Variants in TRHDE observed in about 807,000 individuals in gnomAD.
The protein encoded by TRHDE is thyrotropin releasing hormone degrading enzyme.
A neutral mutation model predicts 125.7 loss-of-function variants in TRHDE; 72 were observed. That is an observed-to-expected ratio of 0.57 (90% CI 0.47 to 0.70). The LOEUF (loss-of-function observed/expected upper bound fraction) is 0.70. Ranked by LOEUF, TRHDE falls within the 30% of genes least tolerant of loss-of-function variation. The pLI is 0.00. For missense variants in TRHDE, 1,110 were observed against 1,327.1 expected, an observed-to-expected ratio of 0.84 and a Z score of 2.54; for synonymous variants, 509 against 509.1, an observed-to-expected ratio of 1.00 and a Z score of 0.00.
chr12:72,642,112 C>G (rs980075511), intron 15 of TRHDE, among the ~76,000 whole-genome samples: 4 of 152,172 alleles, frequency 2.6e-5, no homozygotes, highest in Non-Finnish European at 5.9e-5. Context: ...TGCTGTTACC[C>G]TAGTCTCAGA....
chr12:72,639,761 G>A (rs1429579065), intron 15 of TRHDE, among the ~76,000 whole-genome samples: 7 of 151,536 alleles, frequency 4.6e-5, no homozygotes, highest in Non-Finnish European at 1.0e-4. Context: ...GTACCCGGCC[G>A]TGTGAGGTGT....
At chr12:72,098,636 T>G (rs776771342) in intron 1 of TRHDE, among the ~76,000 whole-genome samples, 8 of 152,176 alleles carry the variant, frequency 5.3e-5, no homozygotes, top group Admixed American at 1.3e-4. Context: ...CCAGATACAT[T>G]TTACCTCCTC....
intron 5 of TRHDE, among the ~76,000 whole-genome samples, chr12:72,482,675 G>C: frequency 6.6e-6 from 1 of 151,868 alleles, no homozygotes; most frequent in African/African-American, 2.4e-5. Context: ...TGGTAGTATG[G>C]TGGAATATTT....
chr12:72,642,501 A>ATGTC (rs1162196533), intron 15 of TRHDE, among the ~76,000 whole-genome samples: 2 of 152,156 alleles, frequency 1.3e-5, no homozygotes, highest in Non-Finnish European at 2.9e-5. Context: ...AATTTCTGTA[A>ATGTC]TGTCAGTATC....
At chr12:72,344,214 G>A (rs1446046570) in intron 2 of TRHDE, among the ~76,000 whole-genome samples, 1 of 152,004 alleles carries the variant, frequency 6.6e-6, no homozygotes, top group East Asian at 1.9e-4. Context: ...AACTTGTAAA[G>A]CCTCAGTTTC....
intron 5 of TRHDE, among the ~76,000 whole-genome samples, chr12:72,484,835 G>T (rs1022843994): frequency 1.3e-5 from 2 of 152,096 alleles, no homozygotes; most frequent in South Asian, 2.1e-4. Flanking sequence ...CACAAGAAAA[G>T]TCCCCAGACA....
In TRHDE at chr12:72,272,899, G is replaced by C; in HGVS notation, c.256G>C (p.Val86Leu). 1 of 1,578,774 alleles carries C rather than the reference G, an allele frequency of 6.3e-7. No individual in the cohort carries two copies. Among genetic ancestry groups the C allele is most frequent in the South Asian group, 1.1e-5 (1 of 87,820 alleles). ...ERHIAVHKRL[V>L]LAFAVSLVAL... is the part of the protein sequence containing the mutation. Reference sequence around the variant, plus strand: ...CCACATCGCCGTACACAAGCGGCTTGTGCTGGCCTTCGCTGTGTCCCTCGT... The same window carrying C: ...CCACATCGCCGTACACAAGCGGCTTCTGCTGGCCTTCGCTGTGTCCCTCGT... Residue 86 changes from valine (V) to leucine (L), a missense_variant, in exon 1 of 19, where the codon GTG becomes CTG. Val to Leu is a conservative substitution (Grantham distance 32). Around this residue, in one of 5 missense-constraint regions of TRHDE, gnomAD observed 248 missense variants for 240.8 expected, o/e 1.03. Transcript: ENST00000261180. This position sits in a 1 kb window ranked among gnomAD's most constrained non-coding sequence, Gnocchi z 6.7.
At chr12:72,242,689 A>G (rs898480390) in intron 2 of TRHDE, among the ~76,000 whole-genome samples, 4 of 152,152 alleles carry the variant, frequency 2.6e-5, no homozygotes, top group African/African-American at 7.2e-5. Context: ...TGGAGGGCAA[A>G]AAAGATAACT....
chr12:72,572,423 T>C (rs1870789255), intron 10 of TRHDE, among the ~76,000 whole-genome samples: 1 of 152,178 alleles, frequency 6.6e-6, no homozygotes, highest in Non-Finnish European at 1.5e-5. Context: ...ATAACTTCCA[T>C]ACATTTTATT....
chr12:72,445,335 A>G (rs1341187800), intron 3 of TRHDE, among the ~76,000 whole-genome samples: 1 of 151,846 alleles, frequency 6.6e-6, no homozygotes, highest in East Asian at 1.9e-4. Flanking sequence ...ACTCTGAAGA[A>G]AATATTGCCC....
chr12:72,285,522 C>CTTTTTTTTTTTT lies in TRHDE; in HGVS notation c.915-1153_915-1142dup, dbSNP rs370394091. Among the ~76,000 whole-genome samples, 3 of 131,440 alleles carry CTTTTTTTTTTTT rather than the reference C, an allele frequency of 2.3e-5. 1 individual carries two copies. Among genetic ancestry groups the CTTTTTTTTTTTT allele is most frequent in the Non-Finnish European group, 3.2e-5 (2 of 63,240 alleles). The allele number at this position is 131,440 out of a possible 152,430, so 86.2% of individuals were successfully genotyped here. A position where few individuals can be genotyped will look rare whatever the true frequency, so the allele number is the denominator to read the frequency against. On this transcript the variant is annotated intron_variant, in intron 1 of 18. Coordinates refer to ENST00000261180, the MANE Select transcript of TRHDE (RefSeq NM_013381.3). ...AGTGTCTGAGTGTCCTTTTTTTCTTCTTTTTTTTTTTTTTTTTGAGACAGG... is the reference window on the plus strand; with the variant it reads ...AGTGTCTGAGTGTCCTTTTTTTCTTCTTTTTTTTTTTTTTTTTTTTTTTTTTTTTGAGACAGG...
At chr12:72,197,453 C>T (rs919691280) in intron 2 of TRHDE, among the ~76,000 whole-genome samples, 4 of 152,062 alleles carry the variant, frequency 2.6e-5, no homozygotes, top group African/African-American at 9.7e-5. Context: ...TATGGCTATA[C>T]TTCTTGTTAC....
At chr12:72,406,929 T>C (rs1418727766) in intron 3 of TRHDE, among the ~76,000 whole-genome samples, 1 of 152,206 alleles carries the variant, frequency 6.6e-6, no homozygotes, top group African/African-American at 2.4e-5. Context: ...CATTTTTGAC[T>C]GAGGTGTGAA....
intron 6 of TRHDE, among the ~76,000 whole-genome samples, chr12:72,525,194 G>T (rs182892962): frequency 6.6e-6 from 1 of 152,028 alleles, no homozygotes; most frequent in African/African-American, 2.4e-5. Flanking sequence ...TCAATTTAAT[G>T]GTATTTTAAA....
intron 3 of TRHDE, 120 bp from the exon 4 acceptor site, chr12:72,469,638 A>G: frequency 8.7e-7 from 1 of 1,143,922 alleles, no homozygotes; most frequent in Non-Finnish European, 1.2e-6. Flanking sequence ...TTTGCCAAAA[A>G]AATCACTAAG....
At chr12:72,198,793 T>C (rs1238286967) in intron 2 of TRHDE, among the ~76,000 whole-genome samples, 1 of 152,182 alleles carries the variant, frequency 6.6e-6, no homozygotes, top group African/African-American at 2.4e-5. Flanking sequence ...GCAATAAAGA[T>C]ACAACCTGAG....
chr12:72,544,230 C>T (rs973287108), intron 7 of TRHDE, among the ~76,000 whole-genome samples: 19 of 151,420 alleles, frequency 1.3e-4, no homozygotes, highest in Non-Finnish European at 7.4e-5. Context: ...AAATTATCAT[C>T]TCTTGTGCAT....
In TRHDE at chr12:72,458,161, TA is replaced by T. The variant is rs542685128; in HGVS notation, c.1316-11593del. Among the ~76,000 whole-genome samples, 3 of 152,314 alleles carry T rather than the reference TA, an allele frequency of 2.0e-5. No individual in the cohort carries two copies. The East Asian group carries it at 5.8e-4, about 29-fold the overall frequency. On this transcript the variant is annotated intron_variant, in intron 3 of 18. Coordinates refer to ENST00000261180, the MANE Select transcript of TRHDE (RefSeq NM_013381.3). ...GATTCGATTTGGTGTTATATCTGTG[TA>T]AAATATTTTACAATTTATTTGGGAA...
chr12:72,362,504 T>G (rs1355535810), intron 2 of TRHDE, among the ~76,000 whole-genome samples: 24 of 152,112 alleles, frequency 1.6e-4, no homozygotes, highest in Non-Finnish European at 3.1e-4. Flanking sequence ...TTTCTCCCAT[T>G]TTGTAGGTTG....
Sources: gnomAD v4.1 joint callset for allele counts (sites outside exome capture counted in the v4.1 genomes callset) on GRCh38, gnomAD v4.1.1 for gene constraint, gnomAD v4.1.1 regional missense constraint, Gnocchi (gnomAD v3.1) non-coding constraint, MANE v1.5 for transcripts, NCBI Gene and HGNC (gene_info 2026-07-23, HGNC 2026-07-21) for gene names.